Variants in SPMIP2 observed in about 807,000 individuals in gnomAD.
SPMIP2 encodes sperm microtubule inner protein 2.
chr4:158,989,370 G>GA, the SPMIP2 span, among the ~76,000 whole-genome samples: 3 of 151,938 alleles, frequency 2.0e-5, no homozygotes, highest in Non-Finnish European at 4.4e-5. Context: ...AACAGAATTA[G>GA]AAAAAACTAC....
chr4:159,007,641 G>A, the SPMIP2 span: 1 of 852,158 alleles, frequency 1.2e-6, no homozygotes, highest in East Asian at 3.8e-5. Flanking sequence ...GGATGCTGTG[G>A]CCAAGGCCTC....
At chr4:158,946,899 A>T in the SPMIP2 span, among the ~76,000 whole-genome samples, 1 of 152,178 alleles carries the variant, frequency 6.6e-6, no homozygotes, top group Non-Finnish European at 1.5e-5. Context: ...CCTGGTACAT[A>T]GTTGGCACTT....
chr4:158,908,510 AGAAG>A, the SPMIP2 span, among the ~76,000 whole-genome samples: 1 of 152,238 alleles, frequency 6.6e-6, no homozygotes, highest in African/African-American at 2.4e-5. Context: ...AATTTTAGCA[AGAAG>A]TGGTCACTTG....
chr4:158,902,054 G>A, the SPMIP2 span, among the ~76,000 whole-genome samples: 1 of 152,034 alleles, frequency 6.6e-6, no homozygotes, highest in Non-Finnish European at 1.5e-5. Flanking sequence ...GTGATCCTTT[G>A]GAGGAGAGAG....
the SPMIP2 span, among the ~76,000 whole-genome samples, chr4:159,002,752 T>C: frequency 1.9e-4 from 28 of 146,398 alleles, no homozygotes; most frequent in African/African-American, 7.1e-4. Flanking sequence ...TTTGTTTTAA[T>C]GATACATATC....
the SPMIP2 span, among the ~76,000 whole-genome samples, chr4:159,041,930 A>T: frequency 6.6e-6 from 1 of 152,250 alleles, no homozygotes; most frequent in Non-Finnish European, 1.5e-5. Flanking sequence ...GCCTTATTGT[A>T]CATCCACGAC....
the SPMIP2 span, chr4:159,007,272 C>G: frequency 8.5e-7 from 1 of 1,175,482 alleles, no homozygotes; most frequent in Non-Finnish European, 1.2e-6. Flanking sequence ...AAGGTACTGC[C>G]TCAATGTGGC....
chr4:159,056,542 G>A, the SPMIP2 span, among the ~76,000 whole-genome samples: 1 of 152,202 alleles, frequency 6.6e-6, no homozygotes, highest in African/African-American at 2.4e-5. Context: ...GTGATGTAGG[G>A]ATACAAAGAA....
chr4:159,081,817 C>T, the SPMIP2 span, among the ~76,000 whole-genome samples: 2 of 152,108 alleles, frequency 1.3e-5, no homozygotes, highest in African/African-American at 2.4e-5. Flanking sequence ...ATTGTAACCA[C>T]CTTTGCATTA....
At chr4:158,925,658 C>T in the SPMIP2 span, among the ~76,000 whole-genome samples, 1 of 152,202 alleles carries the variant, frequency 6.6e-6, no homozygotes, top group South Asian at 2.1e-4. Flanking sequence ...TCTAATGCTG[C>T]CACTGATCTG....
chr4:158,899,907 C>T, the SPMIP2 span, among the ~76,000 whole-genome samples: 6 of 152,040 alleles, frequency 3.9e-5, no homozygotes, highest in Non-Finnish European at 8.8e-5. Flanking sequence ...TTTGTTTGCT[C>T]TTGCTTCTCT....
At chr4:159,065,332 T>C in the SPMIP2 span, among the ~76,000 whole-genome samples, 2 of 152,230 alleles carry the variant, frequency 1.3e-5, no homozygotes, top group Admixed American at 6.5e-5. Context: ...CTAAGTTTCA[T>C]ACCATAAGGA....
At chr4:159,069,651 A>G in the SPMIP2 span, among the ~76,000 whole-genome samples, 5 of 151,996 alleles carry the variant, frequency 3.3e-5, no homozygotes, top group East Asian at 1.9e-4. Context: ...TATGTTGCCC[A>G]GCCTGGTACT....
At chr4:159,052,377 C>CAAT in the SPMIP2 span, among the ~76,000 whole-genome samples, 98 of 151,994 alleles carry the variant, frequency 6.4e-4, no homozygotes, top group African/African-American at 2.3e-3. Flanking sequence ...CTGAAAACAA[C>CAAT]AACAACAACA....
chr4:158,964,167 CAAA>C, the SPMIP2 span, among the ~76,000 whole-genome samples: 1 of 52,238 alleles, frequency 1.9e-5, no homozygotes, highest in South Asian at 8.4e-4. Flanking sequence ...CAAAACAAAA[CAAA>C]ACAAAACAAA....
the SPMIP2 span, chr4:158,915,257 T>A: frequency 1.2e-6 from 2 of 1,613,736 alleles, 1 homozygote; most frequent in Non-Finnish European, 1.7e-6. Context: ...GAATAGCCCA[T>A]TTGGAATTTC....
At chr4:158,905,661 A>G in the SPMIP2 span, 2 of 150,794 alleles carry the variant, frequency 1.3e-5, no homozygotes, top group East Asian at 3.9e-4. Context: ...CACATTGTAT[A>G]AAACCGACCA....
chr4:158,916,822 TTAG>T, the SPMIP2 span, among the ~76,000 whole-genome samples: 5 of 152,326 alleles, frequency 3.3e-5, no homozygotes, highest in African/African-American at 1.2e-4. Flanking sequence ...TTTTGTATTT[TTAG>T]TAGAGATAGG....
chr4:159,036,130 A>C, the SPMIP2 span, among the ~76,000 whole-genome samples: 2 of 152,242 alleles, frequency 1.3e-5, no homozygotes, highest in Non-Finnish European at 2.9e-5. Flanking sequence ...TCTAACAGTA[A>C]TTTTGTATTC....
Sources: allele counts gnomAD v4.1 joint callset (sites outside exome capture counted in the v4.1 genomes callset), GRCh38; gene constraint gnomAD v4.1.1; transcripts MANE v1.5; gene names NCBI Gene and HGNC (gene_info 2026-07-23, HGNC 2026-07-21).